FARS2: variants seen among roughly 807,000 people sequenced by gnomAD.
FARS2 encodes the protein phenylalanine--tRNA ligase, mitochondrial.
FARS2 carries 40 observed loss-of-function variants against 46.4 expected under a neutral mutation model. The ratio of observed to expected loss-of-function variants is 0.86; its 90% CI spans 0.67 to 1.12. The LOEUF (loss-of-function observed/expected upper bound fraction) is 1.12, where lower values mean the gene tolerates loss of function less well. FARS2 is among the 50% of genes most tolerant of loss of function. FARS2 has a pLI of 0.00. For missense variants in FARS2, 513 were observed against 567.9 expected (o/e 0.90, Z 0.98); for synonymous variants, 234 against 214.9 (o/e 1.09, Z -0.78).
intron 2 of FARS2, among the ~76,000 whole-genome samples, chr6:5,392,946 A>G (rs145885602): frequency 3.0e-4 from 43 of 145,704 alleles, no homozygotes; most frequent in African/African-American, 9.4e-4. Flanking sequence ...GTGTGTATAT[A>G]TATATACACA....
chr6:5,641,599 ACATGTC>A, intron 6 of FARS2, among the ~76,000 whole-genome samples: 1 of 152,282 alleles, frequency 6.6e-6, no homozygotes, highest in East Asian at 1.9e-4. Context: ...GCCCAGCCTC[ACATGTC>A]CACAGTTCTA....
chr6:5,263,389 C>T (rs1161736903), intron 1 of FARS2, among the ~76,000 whole-genome samples: 1 of 152,150 alleles, frequency 6.6e-6, no homozygotes, highest in African/African-American at 2.4e-5. Flanking sequence ...GCCAAGTCTT[C>T]ATAAAAATAC....
chr6:5,652,437 C>A (rs1356655687), intron 6 of FARS2, among the ~76,000 whole-genome samples: 1 of 152,208 alleles, frequency 6.6e-6, no homozygotes, highest in Non-Finnish European at 1.5e-5. Context: ...GTAGTACTGT[C>A]ATGAAATAAA....
intron 2 of FARS2, among the ~76,000 whole-genome samples, chr6:5,383,800 T>C (rs2503806): frequency 0.66 from 99,694 of 150,584 alleles, 33,612 homozygotes; most frequent in African/African-American, 0.78. Flanking sequence ...TTTTCTGTTC[T>C]TTCCCGTGGT....
chr6:5,471,263 G>T lies in FARS2; in HGVS notation c.904+40091G>T, dbSNP rs1286094272. On this transcript the variant is annotated intron_variant, in intron 4 of 6. Coordinates refer to ENST00000274680, the MANE Select transcript of FARS2 (RefSeq NM_006567.5). The surrounding 1 kb of genome is among the most constrained non-coding windows in gnomAD (Gnocchi z 4.1). ...TAAGTCTTGCCGAGGCCTTGTTAGTGATCCGGTGCTAAGCGCCTAAAATAA... is the reference window on the plus strand; with the variant it reads ...TAAGTCTTGCCGAGGCCTTGTTAGTTATCCGGTGCTAAGCGCCTAAAATAA... Among the ~76,000 whole-genome samples, 3 of 152,160 alleles carry T rather than the reference G, an allele frequency of 2.0e-5. No homozygotes were observed. The highest frequency in any genetic ancestry group is 4.4e-5 in the Non-Finnish European group (3 of 68,032).
intron 5 of FARS2, among the ~76,000 whole-genome samples, chr6:5,569,785 G>A (rs953238698): frequency 1.3e-5 from 2 of 152,132 alleles, no homozygotes; most frequent in Non-Finnish European, 2.9e-5. Context: ...ATTGTTATGG[G>A]GGAGAGGTAG....
chr6:5,556,723 C>T (rs749699366), intron 5 of FARS2, among the ~76,000 whole-genome samples: 2 of 151,920 alleles, frequency 1.3e-5, no homozygotes, highest in Non-Finnish European at 2.9e-5. Flanking sequence ...GATCTAGGTC[C>T]TCAGCATTTT....
At chr6:5,450,218 C>T (rs969614301) in intron 4 of FARS2, among the ~76,000 whole-genome samples, 1 of 151,896 alleles carries the variant, frequency 6.6e-6, no homozygotes, top group African/African-American at 2.4e-5. Flanking sequence ...TCAGTGTGTG[C>T]TGACACCTGC....
intron 5 of FARS2, among the ~76,000 whole-genome samples, chr6:5,583,322 T>G (rs1773438502): frequency 6.6e-6 from 1 of 152,214 alleles, no homozygotes; most frequent in Non-Finnish European, 1.5e-5. Flanking sequence ...CAGTGTTTAT[T>G]GAGCACCTGC....
chr6:5,435,031 G>A (rs1009337663), intron 4 of FARS2, among the ~76,000 whole-genome samples: 1 of 152,180 alleles, frequency 6.6e-6, no homozygotes, highest in African/African-American at 2.4e-5. Context: ...AAGGTTCCCA[G>A]GTAGATGCTG....
chr6:5,535,436 A>T (rs1428563735), intron 4 of FARS2, among the ~76,000 whole-genome samples: 1 of 152,232 alleles, frequency 6.6e-6, no homozygotes, highest in Non-Finnish European at 1.5e-5. Context: ...TACATATAAA[A>T]TTATGTCATC....
chr6:5,603,324 A>G (rs1774649049), intron 5 of FARS2, among the ~76,000 whole-genome samples: 1 of 152,128 alleles, frequency 6.6e-6, no homozygotes, highest in African/African-American at 2.4e-5. Flanking sequence ...GCCTCTGTAG[A>G]TTTAGACAGC....
intron 4 of FARS2, among the ~76,000 whole-genome samples, chr6:5,526,882 G>A (rs1190863506): frequency 6.6e-6 from 1 of 152,150 alleles, no homozygotes; most frequent in Non-Finnish European, 1.5e-5. Context: ...CTCCCAAAGT[G>A]CTGGGATTAC....
At chr6:5,611,383 C>G (rs1353216956) in intron 5 of FARS2, among the ~76,000 whole-genome samples, 1 of 152,168 alleles carries the variant, frequency 6.6e-6, no homozygotes, top group Non-Finnish European at 1.5e-5. Context: ...TGGAGGCTTT[C>G]TCCTGGGGCA....
At chr6:5,709,697 T>TGTGC (rs148741094) in intron 6 of FARS2, among the ~76,000 whole-genome samples, 1 of 91,502 alleles carries the variant, frequency 1.1e-5, no homozygotes, top group Admixed American at 9.5e-5. Flanking sequence ...TGTGTGTGTG[T>TGTGC]GCGCATGCAC....
chr6:5,708,656 C>T (rs1291365151), intron 6 of FARS2, among the ~76,000 whole-genome samples: 1 of 151,912 alleles, frequency 6.6e-6, no homozygotes, highest in Non-Finnish European at 1.5e-5. Context: ...CCCACACACC[C>T]TTCCCTCACT....
intron 1 of FARS2, among the ~76,000 whole-genome samples, chr6:5,291,864 A>G (rs1432358368): frequency 6.6e-6 from 1 of 152,248 alleles, no homozygotes; most frequent in African/African-American, 2.4e-5. Context: ...ACTGTTGTAT[A>G]TACAAAGTCT....
chr6:5,460,745 C>G (rs542446469), intron 4 of FARS2, among the ~76,000 whole-genome samples: 2 of 152,290 alleles, frequency 1.3e-5, no homozygotes, highest in South Asian at 4.1e-4. Flanking sequence ...TACATGCCGA[C>G]CAGGAGAACG....
chr6:5,376,043 G>T (rs915869748), intron 2 of FARS2, among the ~76,000 whole-genome samples: 10 of 152,050 alleles, frequency 6.6e-5, no homozygotes, highest in Admixed American at 4.6e-4. Flanking sequence ...CTACGTGCTG[G>T]GTGGAGATAT....
Sources: allele counts gnomAD v4.1 joint callset (sites outside exome capture counted in the v4.1 genomes callset), GRCh38; gene constraint gnomAD v4.1.1; non-coding constraint Gnocchi (gnomAD v3.1); transcripts MANE v1.5; gene names NCBI Gene and HGNC (gene_info 2026-07-23, HGNC 2026-07-21).